Variants in CLCC1 observed in about 807,000 individuals in gnomAD.
CLCC1 encodes chloride channel CLIC-like protein 1.
A neutral mutation model predicts 63.3 loss-of-function variants in CLCC1; 39 were observed. The observed-to-expected ratio is 0.62, with a 90% CI of 0.48 to 0.81. The LOEUF is 0.81. CLCC1 is among the 30% of genes least tolerant of loss of function. The pLI, the probability that CLCC1 is intolerant of heterozygous loss-of-function variation, is 0.00. For missense variants in CLCC1, 549 were observed against 669.4 expected (o/e 0.82, Z 1.98); for synonymous variants, 217 against 239.8 (o/e 0.90, Z 0.88).
intron 4 of CLCC1, among the ~76,000 whole-genome samples, chr1:108,949,194 C>T (rs1207800723): frequency 6.6e-6 from 1 of 152,262 alleles, no homozygotes; most frequent in East Asian, 1.9e-4. Flanking sequence ...ACTGATCTCA[C>T]TGACACCCCC....
intron 5 of CLCC1, 37 bp downstream of exon 5, chr1:108,947,574 C>A (rs569452891): frequency 2.5e-6 from 3 of 1,176,632 alleles, no homozygotes; most frequent in Non-Finnish European, 3.7e-6. Context: ...TAAAAATATA[C>A]ACTATACGGA....
intron 7 of CLCC1, among the ~76,000 whole-genome samples, chr1:108,943,251 A>T (rs890186546): frequency 2.0e-5 from 3 of 152,190 alleles, no homozygotes; most frequent in African/African-American, 7.2e-5. Context: ...GTTAACATTA[A>T]CTGGGTTATG....
chr1:108,929,649 T>TG lies in CLCC1; in HGVS notation c.*2897dup. The TG allele has an allele frequency of 6.4e-7, 1 of 1,569,812 alleles. No homozygotes were observed. The highest frequency in any genetic ancestry group is 8.8e-7 in the Non-Finnish European group (1 of 1,140,138). ...TGTGACTGAGAGATTTAACATAGCT[T>TG]GGTGCTTTCTTTCCCACAGTATGTC... On this transcript the variant is annotated 3_prime_UTR_variant, in exon 13 of 13. Transcript: ENST00000369969.
chr1:108,952,800 TAA>T (rs374960900), intron 2 of CLCC1, among the ~76,000 whole-genome samples: 30 of 138,462 alleles, frequency 2.2e-4, no homozygotes, highest in Non-Finnish European at 2.2e-4. Flanking sequence ...ACTCTGCCTT[TAA>T]AAAAAAAAAA....
Position 108,931,647 on chromosome 1 carries a change from C to CTAAAT in CLCC1, c.*895_*899dup. ...CTCAGCTAAAAAAAAAAAAAAAGTT[C>CTAAAT]TAAATTACAACCTGGATTACATTAT... is the stretch of plus-strand genomic sequence containing the variant. On this transcript the variant is annotated 3_prime_UTR_variant, in exon 13 of 13. Transcript: ENST00000369969. 2 of 830,104 alleles carry CTAAAT rather than the reference C, an allele frequency of 2.4e-6. No individual in the cohort carries two copies. Among genetic ancestry groups the CTAAAT allele is most frequent in the South Asian group, 4.2e-5 (2 of 47,654 alleles). The allele number at this position is 830,104 out of a possible 1,614,324, so 51.4% of individuals were successfully genotyped here.
chr1:108,934,651 C>CGT lies in CLCC1; in HGVS notation c.*17_*18dup, dbSNP rs1652591941. On this transcript the variant is annotated 3_prime_UTR_variant, in exon 12 of 13. Transcript: ENST00000369969. ...AAGCTCGAAGGAGACTTGAGGCTGT[C>CGT]GTTTGTGCTGGTGTTCCTCTAGCCA... 1.9e-6 allele frequency: 3 copies of CGT among 1,606,240 alleles called. 1 individual carries two copies. The highest frequency in any genetic ancestry group is 2.6e-6 in the Non-Finnish European group (3 of 1,175,528).
At chr1:108,942,100 G>A (rs1375649516) in intron 7 of CLCC1, among the ~76,000 whole-genome samples, 2 of 152,120 alleles carry the variant, frequency 1.3e-5, no homozygotes, top group Non-Finnish European at 2.9e-5. Flanking sequence ...AGTTCAGCCA[G>A]GCGTGATAGC....
At chr1:108,950,525 T>TTAA in intron 2 of CLCC1, 77 bp from the exon 3 acceptor site, 1 of 815,792 alleles carries the variant, frequency 1.2e-6, no homozygotes, top group Non-Finnish European at 1.7e-6. Context: ...ATTATTATTA[T>TTAA]TATTATTATT....
In CLCC1 at chr1:108,935,004, A is replaced by G. The variant is rs894424775; in HGVS notation, c.1384-62T>C. 78 of 1,495,144 alleles carry G rather than the reference A, an allele frequency of 5.2e-5. No individual in the cohort carries two copies. In the Middle Eastern group the frequency reaches 5.6e-4, roughly 11 times the overall value. 92.6% of individuals were successfully genotyped at this position (1,495,144 alleles called of 1,614,324 possible). A position where few individuals can be genotyped will look rare whatever the true frequency, so the allele number is the denominator to read the frequency against. On this transcript the variant is annotated intron_variant, in intron 11 of 12. Transcript: ENST00000369969. ...TAATGTGAAGTCTTAGTAATCAAACATATCTAAAAAGTTCCCACCCAAATC... is the reference window on the plus strand; with the variant it reads ...TAATGTGAAGTCTTAGTAATCAAACGTATCTAAAAAGTTCCCACCCAAATC...
intron 1 of CLCC1, 119 bp downstream of exon 1, chr1:108,963,242 C>G: frequency 1.7e-6 from 1 of 605,772 alleles, no homozygotes; most frequent in Non-Finnish European, 3.0e-6. Context: ...GGTCCCCGCC[C>G]CGGGTCGCGC....
chr1:108,945,955 G>A (rs1326492610), intron 5 of CLCC1, among the ~76,000 whole-genome samples: 2 of 152,048 alleles, frequency 1.3e-5, no homozygotes, highest in African/African-American at 2.4e-5. Flanking sequence ...TTGAGGTCAG[G>A]AGTTTGAGAC....
At chr1:108,940,415 A>G (rs933774233) in intron 8 of CLCC1, among the ~76,000 whole-genome samples, 1 of 152,258 alleles carries the variant, frequency 6.6e-6, no homozygotes, top group Non-Finnish European at 1.5e-5. Context: ...ACACTTTAAA[A>G]GCAATGCTTC....
rs745587821 is a variant in CLCC1 at position 108,929,867 on chromosome 1, G to T, written c.*2680C>A. 6 of 1,613,748 alleles carry T rather than the reference G, an allele frequency of 3.7e-6. No individual in the cohort carries two copies. The highest frequency in any genetic ancestry group is 4.2e-6 in the Non-Finnish European group (5 of 1,179,808). On this transcript the variant is annotated 3_prime_UTR_variant, in exon 13 of 13. Coordinates refer to ENST00000369969, the MANE Select transcript of CLCC1 (RefSeq NM_001377458.1). Reference sequence around the variant, plus strand: ...GATCAAAACAGAGACACTGACTTTGGGCTAAAGGACTTTTTGCAAAATAAT... The same window carrying T: ...GATCAAAACAGAGACACTGACTTTGTGCTAAAGGACTTTTTGCAAAATAAT...
Position 108,931,523 on chromosome 1 carries a change from C to CA in CLCC1, c.*1023dup. The CA allele has an allele frequency of 1.3e-6, 2 of 1,519,284 alleles. No homozygotes were observed. The highest frequency in any genetic ancestry group is 2.5e-5 in the South Asian group (2 of 80,350). The allele number at this position is 1,519,284 out of a possible 1,614,324, so 94.1% of individuals were successfully genotyped here. A position where few individuals can be genotyped will look rare whatever the true frequency, so the allele number is the denominator to read the frequency against. ...CTGGGGATGTGGACCCCTATTCTTT[C>CA]AAAAAGTCATTCAGGTGATTTGGAT... On this transcript the variant is annotated 3_prime_UTR_variant, in exon 13 of 13. Coordinates refer to ENST00000369969, the MANE Select transcript of CLCC1 (RefSeq NM_001377458.1).
chr1:108,936,085 GTTTTTTTTTT>G (rs530980387), intron 11 of CLCC1, among the ~76,000 whole-genome samples: 2 of 88,108 alleles, frequency 2.3e-5, no homozygotes, highest in Non-Finnish European at 4.1e-5. Flanking sequence ...ATCTTAAGTT[GTTTTTTTTTT>G]TTTTTTTTTT....
chr1:108,943,469 T>C lies in CLCC1; in HGVS notation c.702+6A>G, dbSNP rs1463991336. The C allele has an allele frequency of 6.2e-7, 1 of 1,612,336 alleles. No individual in the cohort carries two copies. The highest frequency in any genetic ancestry group is 8.5e-7 in the Non-Finnish European group (1 of 1,178,962). On this transcript the variant is annotated splice_donor_region_variant and intron_variant, in intron 7 of 12. Transcript: ENST00000369969. ...AAAATTGTAAAACCCTCCATCCATA[T>C]AATACCTTATATAAATACATCCAAT...
In CLCC1 at chr1:108,930,045, T is replaced by G; in HGVS notation, c.*2502A>C. ...TAGCACTGTAATACAGCTTAAAATA[T>G]TTTTAGAATGATGTAAATAGTTAAC... is the stretch of plus-strand genomic sequence containing the variant. On this transcript the variant is annotated 3_prime_UTR_variant, in exon 13 of 13. Coordinates refer to ENST00000369969, the MANE Select transcript of CLCC1 (RefSeq NM_001377458.1). 9.8e-7 allele frequency: 1 copy of G among 1,018,058 alleles called. No individual in the cohort carries two copies. Among genetic ancestry groups the G allele is most frequent in the Non-Finnish European group, 1.5e-6 (1 of 677,742 alleles). 63.1% of individuals were successfully genotyped at this position (1,018,058 alleles called of 1,614,324 possible).
rs1015037613 is a variant in CLCC1, at chr1:108,939,757, A to G, written c.920T>C (p.Phe307Ser). ...AATATGCTTCAATGGCTCCGTTACA[A>G]ATGTGGTGAATGTAACTGCAAGTGC... ...TKALAVTFTTFVTEPLKHIGK... is the reference protein window; with the variant it reads ...TKALAVTFTTSVTEPLKHIGK... Residue 307 changes from phenylalanine to serine, a missense_variant, in exon 10 of 13, where the codon TTT (phenylalanine) becomes TCT (serine). Coordinates refer to ENST00000369969, the MANE Select transcript of CLCC1 (RefSeq NM_001377458.1). The G allele has an allele frequency of 6.2e-7, 1 of 1,614,000 alleles. No individual in the cohort carries two copies. Among genetic ancestry groups the G allele is most frequent in the Non-Finnish European group, 8.5e-7 (1 of 1,179,978 alleles).
intron 2 of CLCC1, among the ~76,000 whole-genome samples, chr1:108,955,562 TGACTG>T (rs1289341932): frequency 6.6e-6 from 1 of 151,488 alleles, no homozygotes; most frequent in Non-Finnish European, 1.5e-5. Context: ...AGTGTCAACT[TGACTG>T]GACTAAGGAA....
Sources: allele counts gnomAD v4.1 joint callset (sites outside exome capture counted in the v4.1 genomes callset), GRCh38; gene constraint gnomAD v4.1.1; transcripts MANE v1.5; gene names NCBI Gene and HGNC (gene_info 2026-07-23, HGNC 2026-07-21).